ZMYND12: variants seen among roughly 807,000 people sequenced by gnomAD.
ZMYND12 encodes zinc finger MYND-type containing 12, also known as zinc finger MYND domain-containing protein 12.
A neutral mutation model predicts 41.7 loss-of-function variants in ZMYND12; 32 were observed. The ratio of observed to expected loss-of-function variants is 0.77; its 90% CI spans 0.58 to 1.03. ZMYND12 has a LOEUF of 1.03. Among genes scored for constraint, ZMYND12 ranks in the 50% least tolerant of loss-of-function variants. The pLI is 0.00. For synonymous variants in ZMYND12, 148 were observed against 164.8 expected, an observed-to-expected ratio of 0.90 and a Z score of 0.78; for missense variants, 424 against 438.5, an observed-to-expected ratio of 0.97 and a Z score of 0.30.
Position 42,455,908 on chromosome 1 carries a change from G to C in ZMYND12, c.90C>G (p.Ala30=). ...CEAPAERVCA[A]CTVTYYCGVV... ...CCTACCAGTAATAAGTGACTGTGCA[G>C]GCCGCGCACACCCGCTCGGCTGGGG... The change falls in exon 1 of 8, where the codon GCC becomes GCG. Residue 30 remains alanine (A), a synonymous_variant. Coordinates refer to ENST00000372565, the MANE Select transcript of ZMYND12 (RefSeq NM_032257.5). 6.2e-7 allele frequency: 1 copy of C among 1,613,398 alleles called. No individual in the cohort carries two copies. Among genetic ancestry groups the C allele is most frequent in the Non-Finnish European group, 8.5e-7 (1 of 1,179,692 alleles).
intron 1 of ZMYND12, among the ~76,000 whole-genome samples, chr1:42,452,163 T>A (rs1253839421): frequency 4.6e-5 from 7 of 152,226 alleles, no homozygotes. Context: ...CTGTTTGTTT[T>A]CTTAGTGATC....
intron 4 of ZMYND12, among the ~76,000 whole-genome samples, chr1:42,437,438 C>CTGTGTGTGTGTGTGTG (rs1557766924): frequency 4.9e-5 from 4 of 81,140 alleles, no homozygotes; most frequent in African/African-American, 1.9e-4. Flanking sequence ...ATCAATAAAG[C>CTGTGTGTGTGTGTGTG]TCTGTGTGTG....
chr1:42,437,842 C>G (rs570263088), intron 4 of ZMYND12, among the ~76,000 whole-genome samples: 2 of 152,204 alleles, frequency 1.3e-5, no homozygotes, highest in South Asian at 4.1e-4. Flanking sequence ...CCACCACACC[C>G]AGCTAATTTT....
At position 42,430,919 on chromosome 1, in the gene ZMYND12, C is replaced by T. The variant is rs1196371039; in HGVS notation, c.976-61G>A. 1.9e-6 allele frequency: 3 copies of T among 1,600,140 alleles called. No individual in the cohort carries two copies. The African/African-American group carries it at 4.0e-5, about 21-fold the overall frequency. ...ACAGGAAAGCATAACACTGGGAAGC[C>T]CCATCTGTGCTCAACTCCAGAAACA... On this transcript the variant is annotated intron_variant, in intron 7 of 7. Coordinates refer to ENST00000372565, the MANE Select transcript of ZMYND12 (RefSeq NM_032257.5).
intron 1 of ZMYND12, among the ~76,000 whole-genome samples, chr1:42,453,219 G>T (rs183599439): frequency 6.6e-6 from 1 of 152,124 alleles, no homozygotes; most frequent in East Asian, 1.9e-4. Context: ...AAAAACAAAA[G>T]GAGAAGGTCT....
chr1:42,451,005 A>G (rs1439898167), intron 1 of ZMYND12, among the ~76,000 whole-genome samples: 1 of 152,250 alleles, frequency 6.6e-6, no homozygotes, highest in African/African-American at 2.4e-5. Flanking sequence ...TATATGTTCT[A>G]TCCTGAATAA....
chr1:42,430,789 T>A lies in ZMYND12; in HGVS notation c.1045A>T (p.Thr349Ser). ...ATGAGACTTAATAACTCTTGAATGG[T>A]GCTTTGCTCATGGACATCAAGCTGT... ...EQQLDVHEQS[T>S]IQELLSLIST... Residue 349 changes from threonine (T) to serine (S), a missense_variant, in exon 8 of 8, where the codon ACC becomes TCC. Transcript: ENST00000372565. The A allele has an allele frequency of 6.2e-7, 1 of 1,614,190 alleles. No homozygotes were observed. Among genetic ancestry groups the A allele is most frequent in the Non-Finnish European group, 8.5e-7 (1 of 1,180,030 alleles).
intron 4 of ZMYND12, 24 bp from the exon 5 acceptor site, chr1:42,436,567 G>A (rs1642910574): frequency 6.2e-7 from 1 of 1,610,396 alleles, no homozygotes; most frequent in Non-Finnish European, 8.5e-7. Flanking sequence ...AAGAAGGAGA[G>A]TGCTTGAGTT....
intron 5 of ZMYND12, 117 bp from the exon 6 acceptor site, chr1:42,435,502 C>T (rs4660634): frequency 0.15 from 112,059 of 750,986 alleles, 8,873 homozygotes; most frequent in African/African-American, 0.22. Context: ...GGTTCTCTCT[C>T]TTACTGTGCC....
intron 6 of ZMYND12, 92 bp downstream of exon 6, chr1:42,435,182 A>G (rs1034360252): frequency 2.1e-6 from 2 of 970,778 alleles, no homozygotes; most frequent in Non-Finnish European, 3.3e-6. Context: ...GTGCTTCATG[A>G]CAGGGACAGC....
chr1:42,437,073 T>C (rs1642915687), intron 4 of ZMYND12, among the ~76,000 whole-genome samples: 1 of 152,114 alleles, frequency 6.6e-6, no homozygotes, highest in African/African-American at 2.4e-5. Context: ...GATAGACAAA[T>C]TGTAGTATAT....
At position 42,439,935 on chromosome 1, in the gene ZMYND12, G is replaced by C. The variant is rs985012009; in HGVS notation, c.515C>G (p.Ser172Cys). Residue 172 changes from serine (S) to cysteine (C), a missense_variant, in exon 4 of 8, where the codon TCT becomes TGT. Physicochemically the swap from Ser to Cys is moderately radical, Grantham distance 112. Coordinates refer to ENST00000372565, the MANE Select transcript of ZMYND12 (RefSeq NM_032257.5). The stretch of plus-strand genomic sequence containing the variant: ...AAGTCCCAGATTCCGATGCAGTAAA[G>C]AGTGGGTGGCATTACTACAGTCAGT... ...KSTDCSNATH[S>C]LLHRNLGLLY... The C allele has an allele frequency of 8.1e-6, 13 of 1,614,022 alleles. No homozygotes were observed. The highest frequency in any genetic ancestry group is 6.7e-5 in the Admixed American group (4 of 59,984).
intron 3 of ZMYND12, among the ~76,000 whole-genome samples, chr1:42,444,761 C>G (rs1485772383): frequency 1.3e-5 from 2 of 148,984 alleles, no homozygotes; most frequent in Admixed American, 1.3e-4. Context: ...TCAATGAATA[C>G]AATTATTAAT....
intron 3 of ZMYND12, among the ~76,000 whole-genome samples, chr1:42,441,813 G>A (rs1642973364): frequency 1.3e-5 from 2 of 152,174 alleles, no homozygotes; most frequent in Admixed American, 1.3e-4. Flanking sequence ...GTAGAGACGG[G>A]GTTTCACCGT....
At chr1:42,434,378 T>C (rs573345767) in intron 6 of ZMYND12, among the ~76,000 whole-genome samples, 3 of 152,282 alleles carry the variant, frequency 2.0e-5, no homozygotes, top group South Asian at 2.1e-4. Flanking sequence ...AAATCAGCAA[T>C]GCACCTTCTG....
chr1:42,438,205 G>C (rs544975855), intron 4 of ZMYND12, among the ~76,000 whole-genome samples: 1 of 152,314 alleles, frequency 6.6e-6, no homozygotes, highest in South Asian at 2.1e-4. Flanking sequence ...ACAAAGAATT[G>C]TATTAGTCAG....
intron 5 of ZMYND12, among the ~76,000 whole-genome samples, chr1:42,435,974 T>C (rs1378391883): frequency 6.6e-6 from 1 of 152,220 alleles, no homozygotes; most frequent in Non-Finnish European, 1.5e-5. Flanking sequence ...CATTTTAATA[T>C]ATTGGAAACA....
At chr1:42,445,094 C>A (rs575044584) in intron 3 of ZMYND12, among the ~76,000 whole-genome samples, 1 of 151,142 alleles carries the variant, frequency 6.6e-6, no homozygotes, top group South Asian at 2.1e-4. Context: ...AGGTGTGAGC[C>A]ACCGTGCCCG....
chr1:42,435,331 C>T lies in ZMYND12; in HGVS notation c.772G>A (p.Ala258Thr), dbSNP rs1424373635. Reference protein sequence around the residue: ...LNNHYQVLSQAHIQQMDLLGK... With the variant: ...LNNHYQVLSQTHIQQMDLLGK... Reference sequence around the variant, plus strand: ...AGTAAATCCATTTGTTGGATGTGAGCCTGTGAGAGGACTTGATAGTGATTG... The same window carrying T: ...AGTAAATCCATTTGTTGGATGTGAGTCTGTGAGAGGACTTGATAGTGATTG... Residue 258 changes from alanine to threonine, a missense_variant, in exon 6 of 8, where the codon GCT (alanine) becomes ACT (threonine). Physicochemically the swap from Ala to Thr is moderately conservative, Grantham distance 58. Coordinates refer to ENST00000372565, the MANE Select transcript of ZMYND12 (RefSeq NM_032257.5). The T allele has an allele frequency of 1.2e-6, 2 of 1,614,072 alleles. No homozygotes were observed. Among genetic ancestry groups the T allele is most frequent in the Admixed American group, 3.3e-5 (2 of 60,016 alleles).
Sources: gnomAD v4.1 joint callset for allele counts (sites outside exome capture counted in the v4.1 genomes callset) on GRCh38, gnomAD v4.1.1 for gene constraint, MANE v1.5 for transcripts, NCBI Gene and HGNC (gene_info 2026-07-23, HGNC 2026-07-21) for gene names.